The following FANCA variants were observed in gnomAD, a reference collection of about 807,000 sequenced individuals.
FANCA encodes the protein Fanconi anemia group A protein.
A neutral mutation model predicts 194.3 loss-of-function variants in FANCA; 236 were observed. That is an observed-to-expected ratio of 1.21 (90% confidence interval 1.09 to 1.35). The LOEUF is 1.35. FANCA is among the 40% of genes most tolerant of loss of function. The pLI, the probability that FANCA is intolerant of heterozygous loss-of-function variation, is 0.00. For synonymous variants in FANCA, 1,014 were observed against 715.8 expected (o/e 1.42, Z -6.65); for missense variants, 2,628 against 1,813.9 (o/e 1.45, Z -8.15).
intron 23 of FANCA, 52 bp downstream of exon 23, chr16:89,771,626 C>T (rs2039328336): frequency 2.1e-5 from 33 of 1,605,884 alleles, no homozygotes; most frequent in Non-Finnish European, 2.7e-5. Context: ...ATGCCTCTGC[C>T]TAATGGAAAA....
intron 8 of FANCA, among the ~76,000 whole-genome samples, chr16:89,801,040 AAAAAAAG>A (rs1476856290): frequency 4.0e-5 from 6 of 149,936 alleles, no homozygotes; most frequent in African/African-American, 9.8e-5. Context: ...CTCAAAAAAA[AAAAAAAG>A]AAAAAAGAAA....
rs757797015 is a variant in FANCA at position 89,770,225 on chromosome 16, T to C, written c.2257A>G (p.Met753Val). The change falls in exon 25 of 43, where the codon ATG becomes GTG. Residue 753 changes from methionine to valine, a missense_variant. Physicochemically the swap from Met to Val is conservative, Grantham distance 21. Transcript: ENST00000389301. ...ACTGCAGGGAGCACACGTCCACACA[T>C]GGTCCTCACGAAGAGGGCAGCCCAG... is the stretch of plus-strand genomic sequence containing the variant. ...GPWAALFVRT[M>V]CGRVLPAVLT... 3 of 1,590,752 alleles carry C rather than the reference T, an allele frequency of 1.9e-6. No individual in the cohort carries two copies. The highest frequency in any genetic ancestry group is 1.1e-5 in the South Asian group (1 of 87,180).
intron 15 of FANCA, among the ~76,000 whole-genome samples, chr16:89,784,120 C>G (rs763436072): frequency 6.6e-6 from 1 of 152,010 alleles, no homozygotes; most frequent in African/African-American, 2.4e-5. Flanking sequence ...AATCCCAGAA[C>G]TTTGGGAGGC....
At chr16:89,774,079 A>C (rs1303867383) in intron 21 of FANCA, among the ~76,000 whole-genome samples, 1 of 152,028 alleles carries the variant, frequency 6.6e-6, no homozygotes, top group East Asian at 1.9e-4. Context: ...ACCACTTTCA[A>C]TATAAAAAGG....
intron 20 of FANCA, 92 bp from the exon 21 acceptor site, chr16:89,775,907 A>T: frequency 1.3e-6 from 1 of 769,388 alleles, no homozygotes; most frequent in East Asian, 3.1e-5. Flanking sequence ...ATAAAAACAT[A>T]TTAAATTTAA....
At chr16:89,744,744 C>A in intron 36 of FANCA, 3 of 600,638 alleles carry the variant, frequency 5.0e-6, no homozygotes, top group Non-Finnish European at 9.2e-6. Flanking sequence ...GGAAACTCCA[C>A]CTCCTGGGTT....
Position 89,749,746 on chromosome 16 carries a change from G to C in FANCA, c.3223C>G (p.Leu1075Val), listed in dbSNP as rs751987951. 6.2e-7 allele frequency: 1 copy of C among 1,614,034 alleles called. No homozygotes were observed. The highest frequency in any genetic ancestry group is 8.5e-7 in the Non-Finnish European group (1 of 1,179,930). The change falls in exon 32 of 43, where the codon CTG (leucine) becomes GTG (valine). Residue 1075 changes from leucine to valine, a missense_variant. Physicochemically the swap from Leu to Val is conservative, Grantham distance 32. Coordinates refer to ENST00000389301, the MANE Select transcript of FANCA (RefSeq NM_000135.4). The part of the protein sequence containing the change: ...VAASLQRQRE[L>V]LMYKRILLRL... ...AGGTGTTACCGTTTGTACATTAGCA[G>C]CTCCCTCTGTCTCTGAAGGCTGGCA...
chr16:89,740,607 G>A, intron 38 of FANCA, 197 bp downstream of exon 38: 1 of 596,494 alleles, frequency 1.7e-6, no homozygotes, highest in Non-Finnish European at 3.0e-6. Context: ...CTGCACTCCA[G>A]CCTGGGTGAC....
chr16:89,779,111 G>A (rs1018793210), intron 18 of FANCA, 108 bp from the exon 19 acceptor site: 1 of 991,020 alleles, frequency 1.0e-6, no homozygotes. Flanking sequence ...TCACTCCAAA[G>A]CCACGATGCA....
In FANCA at chr16:89,795,985, A is replaced by G. The variant is rs780226614; in HGVS notation, c.927T>C (p.Ser309=). Residue 309 remains serine (S), a synonymous_variant, in exon 11 of 43, where the codon AGT becomes AGC. Coordinates refer to ENST00000389301, the MANE Select transcript of FANCA (RefSeq NM_000135.4). Reference sequence around the variant, plus strand: ...TCTTCAGAGGATCTGTGGAAATTACACTGCCAAGCGTGTGTCCACTGAACA... The same window carrying G: ...TCTTCAGAGGATCTGTGGAAATTACGCTGCCAAGCGTGTGTCCACTGAACA... ...FGVFSGHTLG[S]VISTDPLKRF... is the part of the protein sequence containing the mutation. 1 of 1,614,070 alleles carries G rather than the reference A, an allele frequency of 6.2e-7. No individual in the cohort carries two copies. The highest frequency in any genetic ancestry group is 8.5e-7 in the Non-Finnish European group (1 of 1,180,016).
chr16:89,801,120 C>G (rs904518520), intron 8 of FANCA, among the ~76,000 whole-genome samples: 1 of 151,242 alleles, frequency 6.6e-6, no homozygotes, highest in African/African-American at 2.4e-5. Context: ...CCAAGGTGGG[C>G]GGGTCATGAG....
intron 2 of FANCA, among the ~76,000 whole-genome samples, chr16:89,815,319 G>A (rs2041062508): frequency 7.0e-6 from 1 of 143,218 alleles, no homozygotes; most frequent in South Asian, 2.3e-4. Flanking sequence ...TTACAGGCGT[G>A]AGCCACCACG....
chr16:89,748,840 C>CA, intron 32 of FANCA, 73 bp from the exon 33 acceptor site: 1 of 1,283,684 alleles, frequency 7.8e-7, no homozygotes, highest in Non-Finnish European at 1.1e-6. Flanking sequence ...CTCAGACTCT[C>CA]AGAGCAGCAA....
chr16:89,744,769 G>A lies in FANCA; in HGVS notation c.3626+190C>T, dbSNP rs2062206412. On this transcript the variant is annotated intron_variant, in intron 36 of 42. Coordinates refer to ENST00000389301, the MANE Select transcript of FANCA (RefSeq NM_000135.4). Reference sequence around the variant, plus strand: ...CCTCCTGGGTTCAACTGATTCTCCTGCCTCGGCCTCCCCAGTAGTTGGGAT... The same window carrying A: ...CCTCCTGGGTTCAACTGATTCTCCTACCTCGGCCTCCCCAGTAGTTGGGAT... 4.7e-6 allele frequency: 3 copies of A among 638,616 alleles called. No homozygotes were observed. In the African/African-American group the frequency reaches 5.4e-5, roughly 11 times the overall value. 39.6% of individuals were successfully genotyped at this position (638,616 alleles called of 1,614,324 possible). A position where few individuals can be genotyped will look rare whatever the true frequency, so the allele number is the denominator to read the frequency against.
chr16:89,808,277 C>T lies in FANCA; in HGVS notation c.596+17G>A, dbSNP rs763928305. 1.9e-6 allele frequency: 3 copies of T among 1,612,174 alleles called. No individual in the cohort carries two copies. The highest frequency in any genetic ancestry group is 2.5e-6 in the Non-Finnish European group (3 of 1,178,222). ...GACTGCAAAAACAGTAACACTGAAT[C>T]ATCATTAGCACGCTACCTTTCCAGC... On this transcript the variant is annotated intron_variant, in intron 6 of 42. Transcript: ENST00000389301.
chr16:89,763,011 G>A (rs1434883505), intron 28 of FANCA, among the ~76,000 whole-genome samples: 1 of 151,592 alleles, frequency 6.6e-6, no homozygotes, highest in Non-Finnish European at 1.5e-5. Context: ...ACTTTGGGAG[G>A]CCGAGGCGGG....
intron 22 of FANCA, 84 bp from the exon 23 acceptor site, chr16:89,771,898 C>G: frequency 1.1e-5 from 16 of 1,507,820 alleles, no homozygotes; most frequent in Non-Finnish European, 1.5e-5. Context: ...CGCCTCCCGT[C>G]AAGTACGATT....
At chr16:89,788,978 C>G (rs962395780) in intron 14 of FANCA, among the ~76,000 whole-genome samples, 3 of 152,042 alleles carry the variant, frequency 2.0e-5, no homozygotes, top group Non-Finnish European at 2.9e-5. Flanking sequence ...TCCCAACTGT[C>G]GCCTCTGGAA....
At chr16:89,789,773 A>T (rs1265591912) in intron 14 of FANCA, among the ~76,000 whole-genome samples, 1 of 151,674 alleles carries the variant, frequency 6.6e-6, no homozygotes, top group Non-Finnish European at 1.5e-5. Flanking sequence ...TAGCTCTTCA[A>T]ATGGAAACTT....
Sources: allele counts gnomAD v4.1 joint callset (sites outside exome capture counted in the v4.1 genomes callset), GRCh38; gene constraint gnomAD v4.1.1; transcripts MANE v1.5; gene names NCBI Gene and HGNC (gene_info 2026-07-23, HGNC 2026-07-21).